Variants in FAM20B observed in about 807,000 individuals in gnomAD.
FAM20B encodes FAM20B glycosaminoglycan xylosylkinase.
A neutral mutation model predicts 43.8 loss-of-function variants in FAM20B; 23 were observed. The ratio of observed to expected loss-of-function variants is 0.53; its 90% confidence interval spans 0.38 to 0.74. The LOEUF is 0.74. FAM20B is among the 30% of genes least tolerant of loss of function. FAM20B has a pLI of 0.00. For synonymous variants in FAM20B, 178 were observed against 192.4 expected, an observed-to-expected ratio of 0.93 and a Z score of 0.62; for missense variants, 440 against 510.5, an observed-to-expected ratio of 0.86 and a Z score of 1.33.
chr1:179,045,690 A>G (rs1650736182), intron 2 of FAM20B, among the ~76,000 whole-genome samples: 2 of 152,126 alleles, frequency 1.3e-5, no homozygotes, highest in South Asian at 4.1e-4. Context: ...GGATCACTTG[A>G]GCCTGGGTGA....
In FAM20B at chr1:179,076,064, A is replaced by C. The variant is rs945148374; in HGVS notation, c.*3920A>C. 1.3e-5 allele frequency: 2 copies of C among 152,236 alleles called. No homozygotes were observed. The highest frequency in any genetic ancestry group is 4.8e-5 in the African/African-American group (2 of 41,466). The allele number at this position is 152,236 out of a possible 1,614,324, so 9.4% of individuals were successfully genotyped here. A position where few individuals can be genotyped will look rare whatever the true frequency, so the allele number is the denominator to read the frequency against. Reference sequence around the variant, plus strand: ...TTCTGAAGGATTCAGAAAGAACCTTAGTGAAAGGTTCTCAGTCTCTGAGAG... The same window carrying C: ...TTCTGAAGGATTCAGAAAGAACCTTCGTGAAAGGTTCTCAGTCTCTGAGAG... On this transcript the variant is annotated 3_prime_UTR_variant, in exon 8 of 8. Transcript: ENST00000263733.
At chr1:179,041,491 C>CA (rs1264635352) in intron 1 of FAM20B, among the ~76,000 whole-genome samples, 3 of 152,094 alleles carry the variant, frequency 2.0e-5, no homozygotes, top group Admixed American at 6.5e-5. Flanking sequence ...CCGTCTCCAC[C>CA]AAAAAAATAC....
At chr1:179,040,889 C>G (rs1291505743) in intron 1 of FAM20B, among the ~76,000 whole-genome samples, 1 of 151,622 alleles carries the variant, frequency 6.6e-6, no homozygotes, top group Non-Finnish European at 1.5e-5. Context: ...GCTCTCCTCA[C>G]TTCTCAGACG....
At chr1:179,024,577 C>T (rs1649680642), upstream of FAM20B, among the ~76,000 whole-genome samples, 1 of 152,138 alleles carries the variant, frequency 6.6e-6, no homozygotes, top group Non-Finnish European at 1.5e-5. Context: ...CAGAAAACGA[C>T]CTCCAAACCT....
At chr1:179,030,187 T>G (rs1022838394) in intron 1 of FAM20B, among the ~76,000 whole-genome samples, 1 of 152,366 alleles carries the variant, frequency 6.6e-6, no homozygotes, top group African/African-American at 2.4e-5. Context: ...GTATGAACTT[T>G]GTAACCACTT....
chr1:179,059,971 CAA>C (rs58295299), intron 4 of FAM20B, among the ~76,000 whole-genome samples: 34 of 121,314 alleles, frequency 2.8e-4, no homozygotes, highest in African/African-American at 3.4e-4. Context: ...GATTATGTCT[CAA>C]AAAAAAAAAA....
Position 179,072,250 on chromosome 1 carries a change from G to A in FAM20B, c.*106G>A. 1.1e-6 allele frequency: 1 copy of A among 888,652 alleles called. No homozygotes were observed. The highest frequency in any genetic ancestry group is 2.4e-5 in the Admixed American group (1 of 41,116). The allele number at this position is 888,652 out of a possible 1,614,324, so 55.0% of individuals were successfully genotyped here. ...TTGGAAGTGGCCAGCAGCAAGTTCT[G>A]GTGACGGGACAGAGTGGCCTTGGAT... is the stretch of plus-strand genomic sequence containing the variant. On this transcript the variant is annotated 3_prime_UTR_variant, in exon 8 of 8. Transcript: ENST00000263733.
At chr1:179,067,377 G>A (rs1210911216) in intron 7 of FAM20B, among the ~76,000 whole-genome samples, 14 of 152,190 alleles carry the variant, frequency 9.2e-5, no homozygotes. Flanking sequence ...GGCCAAGGTG[G>A]GTGGATCACC....
At chr1:179,041,305 G>T (rs947650024) in intron 1 of FAM20B, among the ~76,000 whole-genome samples, 2 of 152,328 alleles carry the variant, frequency 1.3e-5, no homozygotes, top group South Asian at 4.1e-4. Context: ...CAAGGCAGGC[G>T]GCTGGGAGGT....
intron 2 of FAM20B, 22 bp downstream of exon 2, chr1:179,044,246 T>C: frequency 6.3e-7 from 1 of 1,575,396 alleles, no homozygotes; most frequent in Non-Finnish European, 8.6e-7. Flanking sequence ...TCTTGGAAGC[T>C]GCATGTGCTA....
In FAM20B at chr1:179,027,580, A is replaced by G. The variant is rs1649839052; in HGVS notation, c.-134+1482A>G. Among the ~76,000 whole-genome samples the G allele has an allele frequency of 2.6e-5, 4 of 152,228 alleles. No individual in the cohort carries two copies. In the South Asian group the frequency reaches 8.3e-4, roughly 32 times the overall value. On this transcript the variant is annotated intron_variant, in intron 1 of 7. Transcript: ENST00000263733. ...ATCAGTCAGCAGGAGTCCCTTTCCC[A>G]TTTGAAATTACTTATCAAAGGAGAA... is the stretch of plus-strand genomic sequence containing the variant.
chr1:179,045,892 C>CAA (rs751221167), intron 2 of FAM20B, among the ~76,000 whole-genome samples: 19 of 121,030 alleles, frequency 1.6e-4, no homozygotes, highest in Non-Finnish European at 2.8e-4. Flanking sequence ...AGACCTGTCT[C>CAA]AAAAAAAAAA....
In FAM20B at chr1:179,073,692, G is replaced by A. The variant is rs1170741255; in HGVS notation, c.*1548G>A. 6.6e-6 allele frequency: 1 copy of A among 152,196 alleles called. No homozygotes were observed. The highest frequency in any genetic ancestry group is 1.5e-5 in the Non-Finnish European group (1 of 68,036). The allele number at this position is 152,196 out of a possible 1,614,324, so 9.4% of individuals were successfully genotyped here. ...GAAGAGCCTTAAGATTTTGATTTAT[G>A]TCAAATCCTAATTCTATCATTCAGT... is the stretch of plus-strand genomic sequence containing the variant. On this transcript the variant is annotated 3_prime_UTR_variant, in exon 8 of 8. Coordinates refer to ENST00000263733, the MANE Select transcript of FAM20B (RefSeq NM_014864.4).
intron 7 of FAM20B, among the ~76,000 whole-genome samples, chr1:179,067,686 G>T (rs1343150244): frequency 1.3e-5 from 2 of 152,054 alleles, no homozygotes; most frequent in Non-Finnish European, 2.9e-5. Flanking sequence ...AATGAGTCAA[G>T]AAAATGAGAT....
chr1:179,069,473 C>T (rs1273878343), intron 7 of FAM20B, among the ~76,000 whole-genome samples: 2 of 152,064 alleles, frequency 1.3e-5, no homozygotes, highest in East Asian at 1.9e-4. Context: ...CGGGTTCAGG[C>T]GATTCTCCTG....
intron 1 of FAM20B, among the ~76,000 whole-genome samples, chr1:179,031,358 G>A (rs572878093): frequency 1.2e-4 from 19 of 152,290 alleles, no homozygotes; most frequent in African/African-American, 4.6e-4. Flanking sequence ...TACTGCGTGT[G>A]TTGGTTTTTT....
At chr1:179,035,315 G>A in intron 1 of FAM20B, 1 of 663,696 alleles carries the variant, frequency 1.5e-6, no homozygotes, top group Non-Finnish European at 2.8e-6. Context: ...CCTTACACGG[G>A]CTTTGGTGGG....
At chr1:179,020,833 G>A (rs1405452915), upstream of FAM20B, among the ~76,000 whole-genome samples, 3 of 152,244 alleles carry the variant, frequency 2.0e-5, no homozygotes, top group East Asian at 3.8e-4. Context: ...CACTTTGGGA[G>A]GCCAAGGCAG....
At chr1:179,059,358 T>C (rs1266941277) in intron 4 of FAM20B, among the ~76,000 whole-genome samples, 1 of 152,202 alleles carries the variant, frequency 6.6e-6, no homozygotes, top group African/African-American at 2.4e-5. Context: ...TTGCCATGGA[T>C]TGCCTCATTC....
Sources: allele counts gnomAD v4.1 joint callset (sites outside exome capture counted in the v4.1 genomes callset), GRCh38; gene constraint gnomAD v4.1.1; transcripts MANE v1.5; gene names NCBI Gene and HGNC (gene_info 2026-07-23, HGNC 2026-07-21).